CFAP54: variants seen among roughly 807,000 people sequenced by gnomAD.
CFAP54 encodes the protein cilia- and flagella-associated protein 54.
A neutral mutation model predicts 370.4 loss-of-function variants in CFAP54; 290 were observed. The observed-to-expected ratio is 0.78, with a 90% CI of 0.71 to 0.86. The LOEUF (loss-of-function observed/expected upper bound fraction) is 0.86. Among genes scored for constraint, CFAP54 ranks in the 40% least tolerant of loss-of-function variants. The pLI, the probability that CFAP54 is intolerant of heterozygous loss-of-function variation, is 0.00. For synonymous variants in CFAP54, 1,206 were observed against 1,236.5 expected (o/e 0.98, Z 0.52); for missense variants, 3,399 against 3,528.7 (o/e 0.96, Z 0.93).
In CFAP54 at chr12:96,792,619, A is replaced by G. The variant is rs539562804; in HGVS notation, c.8850+120A>G. On this transcript the variant is annotated intron_variant, in intron 63 of 67. Coordinates refer to ENST00000524981, the MANE Select transcript of CFAP54 (RefSeq NM_001306084.2). Reference sequence around the variant, plus strand: ...TATAGATGAGAACAGGTATCAATATATAATCTACATTGTCTAGTAGAATAA... The same window carrying G: ...TATAGATGAGAACAGGTATCAATATGTAATCTACATTGTCTAGTAGAATAA... 397 of 651,930 alleles carry G rather than the reference A, an allele frequency of 6.1e-4. 1 individual carries two copies. Among genetic ancestry groups the G allele is most frequent in the African/African-American group, 4.9e-3 (268 of 54,432 alleles). 40.4% of individuals were successfully genotyped at this position (651,930 alleles called of 1,614,324 possible). A position where few individuals can be genotyped will look rare whatever the true frequency, so the allele number is the denominator to read the frequency against.
intron 20 of CFAP54, among the ~76,000 whole-genome samples, chr12:96,577,364 T>C (rs1180532009): frequency 6.6e-6 from 1 of 152,240 alleles, no homozygotes; most frequent in African/African-American, 2.4e-5. Context: ...AACTTGAGAT[T>C]CAGTTTCTTC....
chr12:96,704,837 G>A (rs769885882), intron 47 of CFAP54, 41 bp downstream of exon 47: 7 of 803,516 alleles, frequency 8.7e-6, no homozygotes, highest in Non-Finnish European at 1.3e-5. Context: ...TTTCCTAAGT[G>A]TGGATAATTT....
intron 9 of CFAP54, among the ~76,000 whole-genome samples, chr12:96,530,731 A>G (rs539706025): frequency 5.3e-5 from 8 of 152,348 alleles, no homozygotes; most frequent in Admixed American, 4.6e-4. Context: ...TGATAAGTTC[A>G]TATTTAGTTT....
chr12:96,792,596 TAG>T, intron 63 of CFAP54, 97 bp downstream of exon 63: 1 of 900,120 alleles, frequency 1.1e-6, no homozygotes, highest in Non-Finnish European at 1.6e-6. Flanking sequence ...TCTTATCATA[TAG>T]ATGAGAACAG....
intron 25 of CFAP54, among the ~76,000 whole-genome samples, chr12:96,595,988 G>A (rs1956174461): frequency 1.3e-5 from 2 of 152,076 alleles, no homozygotes; most frequent in African/African-American, 4.8e-5. Flanking sequence ...TGAGTAACAT[G>A]ATGTCATTGA....
intron 66 of CFAP54, among the ~76,000 whole-genome samples, chr12:96,831,209 G>C (rs1461739843): frequency 6.6e-6 from 1 of 152,176 alleles, no homozygotes; most frequent in East Asian, 1.9e-4. Flanking sequence ...AGAGCTAGCT[G>C]TGAACCAGCA....
chr12:96,625,266 T>C (rs1956537477), intron 28 of CFAP54, among the ~76,000 whole-genome samples: 1 of 152,200 alleles, frequency 6.6e-6, no homozygotes, highest in Non-Finnish European at 1.5e-5. Context: ...AGAATCTAAA[T>C]AACTTTCCAA....
chr12:96,791,072 C>A (rs1958687056), intron 62 of CFAP54, among the ~76,000 whole-genome samples: 1 of 152,032 alleles, frequency 6.6e-6, no homozygotes, highest in Non-Finnish European at 1.5e-5. Context: ...CTTGACAGGC[C>A]TTAGATATCA....
chr12:96,801,575 T>G (rs760719667), intron 63 of CFAP54, among the ~76,000 whole-genome samples: 1 of 152,200 alleles, frequency 6.6e-6, no homozygotes, highest in Non-Finnish European at 1.5e-5. Context: ...AAGGTTTGAT[T>G]GACCAAATTT....
chr12:96,844,621 T>C (rs895216497), intron 66 of CFAP54, among the ~76,000 whole-genome samples: 3 of 152,254 alleles, frequency 2.0e-5, no homozygotes, highest in African/African-American at 7.2e-5. Flanking sequence ...AAGTTAAGCC[T>C]GTGGCTTCAA....
At position 96,712,299 on chromosome 12, in the gene CFAP54, A is replaced by T. The variant is rs1222189632; in HGVS notation, c.6724+3496A>T. ...GCTAGTGTGTCATTATCATTTATTT[A>T]AAAAATCTATCATTTCCTCACTGAA... On this transcript the variant is annotated intron_variant, in intron 48 of 67. Coordinates refer to ENST00000524981, the MANE Select transcript of CFAP54 (RefSeq NM_001306084.2). 2.6e-5 allele frequency among the ~76,000 whole-genome samples: 4 copies of T among 151,672 alleles called. No individual in the cohort carries two copies. In the East Asian group the frequency reaches 7.7e-4, roughly 29 times the overall value.
At position 96,651,567 on chromosome 12, in the gene CFAP54, TA is replaced by T; in HGVS notation, c.4873-18del. 1 of 1,598,372 alleles carries T rather than the reference TA, an allele frequency of 6.3e-7. No homozygotes were observed. The highest frequency in any genetic ancestry group is 1.7e-5 in the Admixed American group (1 of 58,420). ...TAACTTTTGGAACTTTGGGATCTTT[TA>T]AATTTTGTGTTTGTCATAGGTTCTT... On this transcript the variant is annotated intron_variant, in intron 35 of 67. Coordinates refer to ENST00000524981, the MANE Select transcript of CFAP54 (RefSeq NM_001306084.2).
chr12:96,628,196 C>T (rs1225019540), intron 30 of CFAP54, among the ~76,000 whole-genome samples: 2 of 152,196 alleles, frequency 1.3e-5, no homozygotes, highest in Admixed American at 6.5e-5. Flanking sequence ...GTATCCCTAC[C>T]GCTAAGTGAC....
At chr12:96,531,487 TAA>T (rs78475756) in intron 9 of CFAP54, among the ~76,000 whole-genome samples, 1 of 150,668 alleles carries the variant, frequency 6.6e-6, no homozygotes, top group Non-Finnish European at 1.5e-5. Context: ...ATTCATTATT[TAA>T]AAAAAAAATC....
intron 50 of CFAP54, among the ~76,000 whole-genome samples, chr12:96,735,263 A>G (rs1238730987): frequency 6.6e-6 from 1 of 152,220 alleles, no homozygotes; most frequent in Admixed American, 6.5e-5. Context: ...TTTCAAATGT[A>G]ACCCATAGAT....
chr12:96,510,143 C>T (rs1411188959), intron 4 of CFAP54, among the ~76,000 whole-genome samples: 1 of 150,690 alleles, frequency 6.6e-6, no homozygotes, highest in Non-Finnish European at 1.5e-5. Context: ...ATCACAGCTA[C>T]TTGGGAGGCT....
chr12:96,599,299 GT>G (rs1956215337), intron 26 of CFAP54, among the ~76,000 whole-genome samples: 1 of 151,944 alleles, frequency 6.6e-6, no homozygotes. Flanking sequence ...GAGAATGATG[GT>G]TTCCAGCTTC....
chr12:96,581,068 C>G lies in CFAP54; in HGVS notation c.3038C>G (p.Pro1013Arg), dbSNP rs1258991704. The G allele has an allele frequency of 6.6e-7, 1 of 1,522,480 alleles. No individual in the cohort carries two copies. The highest frequency in any genetic ancestry group is 8.8e-7 in the Non-Finnish European group (1 of 1,140,544). The allele number at this position is 1,522,480 out of a possible 1,614,324, so 94.3% of individuals were successfully genotyped here. Residue 1013 changes from proline to arginine, a missense_variant, in exon 22 of 68, where the codon CCT (proline) becomes CGT (arginine). Pro to Arg is a moderately radical substitution (Grantham distance 103, BLOSUM62 -2). This residue lies in a region of CFAP54 where 2,796 missense variants were observed against 2,869.7 expected (regional missense o/e 0.97). Coordinates refer to ENST00000524981, the MANE Select transcript of CFAP54 (RefSeq NM_001306084.2). ...ETTKPILVYP[P>R]LSTITARMFL... ...ACTAAACCAATTCTGGTTTATCCCC[C>G]TCTTTCTACTATTACTGCTCGGATG...
chr12:96,782,316 A>G (rs1958588065), intron 60 of CFAP54, among the ~76,000 whole-genome samples: 1 of 152,074 alleles, frequency 6.6e-6, no homozygotes, highest in Non-Finnish European at 1.5e-5. Flanking sequence ...TGGAAGTCCT[A>G]CCCTGCACAA....
Sources: allele counts gnomAD v4.1 joint callset (sites outside exome capture counted in the v4.1 genomes callset), GRCh38; gene constraint gnomAD v4.1.1; regional missense constraint gnomAD v4.1.1; transcripts MANE v1.5; gene names NCBI Gene and HGNC (gene_info 2026-07-23, HGNC 2026-07-21).